Variants in LRCH2 observed in about 807,000 individuals in gnomAD.
LRCH2 encodes leucine rich repeats and calponin homology domain containing 2.
A neutral mutation model predicts 68.9 loss-of-function variants in LRCH2; 38 were observed. That is an observed-to-expected ratio of 0.55 (90% CI 0.43 to 0.72). The LOEUF (loss-of-function observed/expected upper bound fraction) is 0.72, where lower values mean the gene tolerates loss of function less well. Ranked by LOEUF, LRCH2 falls within the 30% of genes least tolerant of loss-of-function variation. The pLI is 0.00. For missense variants in LRCH2, 528 were observed against 572.9 expected, an observed-to-expected ratio of 0.92 and a Z score of 0.80; for synonymous variants, 191 against 208.1, an observed-to-expected ratio of 0.92 and a Z score of 0.71.
intron 1 of LRCH2, among the ~76,000 whole-genome samples, chrX:115,232,199 A>G (rs189317575): frequency 9.6e-4 from 104 of 108,388 alleles, no homozygotes; most frequent in Non-Finnish European, 1.7e-3. Context: ...TAGGATGCTT[A>G]AACTTTGTCC....
At chrX:115,166,082 A>G (rs1556544838) in intron 7 of LRCH2, 130 bp from the exon 8 acceptor site, 3 of 632,730 alleles carry the variant, frequency 4.7e-6, no homozygotes, top group Non-Finnish European at 7.3e-6. Context: ...CAAAATTAAC[A>G]TAAGGTTTAC....
At chrX:115,223,472 C>T (rs2073098576) in intron 1 of LRCH2, among the ~76,000 whole-genome samples, 1 of 108,692 alleles carries the variant, frequency 9.2e-6, no homozygotes, top group Non-Finnish European at 1.9e-5. Flanking sequence ...CCTCTTACAA[C>T]TCAGTAATGA....
chrX:115,217,198 T>C (rs1177642693), intron 1 of LRCH2, among the ~76,000 whole-genome samples: 3 of 111,672 alleles, frequency 2.7e-5, no homozygotes, highest in Non-Finnish European at 5.6e-5. Context: ...TATATCCATG[T>C]AACAAAACTA....
chrX:115,221,704 T>C (rs2073086219), intron 1 of LRCH2, among the ~76,000 whole-genome samples: 1 of 112,130 alleles, frequency 8.9e-6, no homozygotes, highest in African/African-American at 3.2e-5. Flanking sequence ...AATCTATGTA[T>C]GCATTTACTG....
chrX:115,181,363 C>T (rs1411682215), intron 3 of LRCH2, among the ~76,000 whole-genome samples: 1 of 112,140 alleles, frequency 8.9e-6, no homozygotes, highest in Non-Finnish European at 1.9e-5. Context: ...ACTATTCAAA[C>T]GATGGATAAT....
At chrX:115,153,497 G>A (rs1202254128) in intron 12 of LRCH2, among the ~76,000 whole-genome samples, 1 of 110,616 alleles carries the variant, frequency 9.0e-6, no homozygotes, top group African/African-American at 3.3e-5. Flanking sequence ...AGTAACTAAG[G>A]GATTGAACAC....
chrX:115,159,417 A>G (rs2072498948), intron 11 of LRCH2, among the ~76,000 whole-genome samples: 1 of 110,647 alleles, frequency 9.0e-6, no homozygotes, highest in Non-Finnish European at 1.9e-5. Flanking sequence ...TAATAATCCA[A>G]TATTTTGACA....
At chrX:115,183,165 T>G in intron 3 of LRCH2, among the ~76,000 whole-genome samples, 1 of 111,079 alleles carries the variant, frequency 9.0e-6, no homozygotes, top group Middle Eastern at 4.6e-3. Flanking sequence ...TCTGATCACT[T>G]CTAAGATCTT....
chrX:115,189,022 C>A (rs2072756579), intron 1 of LRCH2, among the ~76,000 whole-genome samples: 1 of 111,567 alleles, frequency 9.0e-6, no homozygotes. Flanking sequence ...TCTTCTTTTA[C>A]AGCCAAACTC....
intron 1 of LRCH2, chrX:115,190,405 T>A: frequency 8.6e-7 from 1 of 1,163,095 alleles, no homozygotes; most frequent in Non-Finnish European, 1.1e-6. Flanking sequence ...GACACCGCCA[T>A]CTTATGGAGG....
intron 1 of LRCH2, among the ~76,000 whole-genome samples, chrX:115,215,292 G>GA (rs2073033955): frequency 9.0e-6 from 1 of 111,288 alleles, no homozygotes; most frequent in Non-Finnish European, 1.9e-5. Flanking sequence ...TAAAAAGAAG[G>GA]AAAAACTTCA....
Position 115,184,554 on chromosome X carries a change from A to G in LRCH2, c.495-17T>C. The G allele has an allele frequency of 8.9e-7, 1 of 1,125,496 alleles. No individual in the cohort carries two copies. Among genetic ancestry groups the G allele is most frequent in the Non-Finnish European group, 1.2e-6 (1 of 850,476 alleles). The allele number at this position is 1,125,496 out of a possible 1,213,427, so 92.8% of individuals were successfully genotyped here. A position where few individuals can be genotyped will look rare whatever the true frequency, so the allele number is the denominator to read the frequency against. On this transcript the variant is annotated splice_polypyrimidine_tract_variant and intron_variant, in intron 2 of 20. Transcript: ENST00000317135. ...AGATTTCGGCTGAAAAGAATGAGAA[A>G]GTTTCATTACGAGAATATGTATGTA...
At chrX:115,114,418 T>A (rs1045278156) in intron 20 of LRCH2, among the ~76,000 whole-genome samples, 21 of 110,681 alleles carry the variant, frequency 1.9e-4, no homozygotes, top group South Asian at 3.7e-4. Flanking sequence ...GACTTCAGCT[T>A]CCACCCTAGA....
Position 115,149,944 on chromosome X carries a change from C to A in LRCH2, c.1579-1G>T. 1 of 1,169,039 alleles carries A rather than the reference C, an allele frequency of 8.6e-7. No homozygotes were observed. Among genetic ancestry groups the A allele is most frequent in the Non-Finnish European group, 1.2e-6 (1 of 863,934 alleles). ...TTTGATCCTTCTGATTTTCTAAGGG[C>A]TATAATGAGACAATTTATTTTAACT... is the stretch of plus-strand genomic sequence containing the variant. On this transcript the variant is annotated splice_acceptor_variant, in intron 13 of 20. Coordinates refer to ENST00000317135, the MANE Select transcript of LRCH2 (RefSeq NM_020871.4). LOFTEE classifies it high-confidence loss of function.
Position 115,170,284 on chromosome X carries a change from A to C in LRCH2, c.998+15T>G. ...ACAGCAATCATCAAATGAAACTGTA[A>C]GAATGTTACATTACCTGTCTGTGAG... On this transcript the variant is annotated intron_variant, in intron 6 of 20. Transcript: ENST00000317135. The C allele has an allele frequency of 8.7e-7, 1 of 1,148,124 alleles. No individual in the cohort carries two copies. The highest frequency in any genetic ancestry group is 1.2e-6 in the Non-Finnish European group (1 of 867,150). The allele number at this position is 1,148,124 out of a possible 1,213,427, so 94.6% of individuals were successfully genotyped here. A position where few individuals can be genotyped will look rare whatever the true frequency, so the allele number is the denominator to read the frequency against.
intron 11 of LRCH2, among the ~76,000 whole-genome samples, chrX:115,160,533 T>C (rs986051757): frequency 9.0e-6 from 1 of 111,124 alleles, no homozygotes; most frequent in Non-Finnish European, 1.9e-5. Context: ...TAATATACAG[T>C]CAAAGTAGCA....
chrX:115,170,281 G>GTT lies in LRCH2; in HGVS notation c.998+17_998+18insAA, dbSNP rs1166837980. 5.3e-6 allele frequency: 6 copies of GTT among 1,142,266 alleles called. No homozygotes were observed. In the African/African-American group the frequency reaches 9.2e-5, roughly 18 times the overall value. The allele number at this position is 1,142,266 out of a possible 1,213,427, so 94.1% of individuals were successfully genotyped here. ...AAGACAGCAATCATCAAATGAAACT[G>GTT]TAAGAATGTTACATTACCTGTCTGT... On this transcript the variant is annotated intron_variant, in intron 6 of 20. Transcript: ENST00000317135.
At chrX:115,117,920 T>C (rs1460036566) in intron 20 of LRCH2, among the ~76,000 whole-genome samples, 2 of 110,622 alleles carry the variant, frequency 1.8e-5, no homozygotes, top group African/African-American at 6.6e-5. Flanking sequence ...TTATATGCCC[T>C]ATATTGTATG....
At chrX:115,222,063 G>T (rs2073089192) in intron 1 of LRCH2, among the ~76,000 whole-genome samples, 1 of 111,569 alleles carries the variant, frequency 9.0e-6, no homozygotes, top group Non-Finnish European at 1.9e-5. Flanking sequence ...AAACTGAAGT[G>T]CAGGTAGGTC....
Sources: allele counts gnomAD v4.1 joint callset (sites outside exome capture counted in the v4.1 genomes callset), GRCh38; gene constraint gnomAD v4.1.1; transcripts MANE v1.5; gene names NCBI Gene and HGNC (gene_info 2026-07-23, HGNC 2026-07-21).